The following CYB5B variants were observed in gnomAD, a reference collection of about 807,000 sequenced individuals.
CYB5B encodes the protein cytochrome b5 type B.
A neutral mutation model predicts 21.3 loss-of-function variants in CYB5B; 14 were observed. The ratio of observed to expected loss-of-function variants is 0.66; its 90% CI spans 0.43 to 1.03. The LOEUF is 1.03. CYB5B is among the 50% of genes least tolerant of loss of function. CYB5B has a pLI of 0.00. For synonymous variants in CYB5B, 69 were observed against 68.4 expected, an observed-to-expected ratio of 1.01 and a Z score of -0.04; for missense variants, 166 against 185.1, an observed-to-expected ratio of 0.90 and a Z score of 0.60.
At chr16:69,440,613 C>T (rs1597281996) in intron 1 of CYB5B, among the ~76,000 whole-genome samples, 2 of 152,090 alleles carry the variant, frequency 1.3e-5, no homozygotes, top group Non-Finnish European at 2.9e-5. Context: ...GGCAGTGGTT[C>T]GTTCTTTTTC....
chr16:69,448,927 A>C (rs148252407), intron 3 of CYB5B: 1 of 152,046 alleles, frequency 6.6e-6, no homozygotes. Context: ...CCCATTCCTC[A>C]TTGAGCCGAA....
At chr16:69,426,478 G>A (rs139408593) in intron 1 of CYB5B, among the ~76,000 whole-genome samples, 2,902 of 151,732 alleles carry the variant, frequency 0.019, 45 homozygotes, top group Middle Eastern at 0.031. Flanking sequence ...AGGCTGAGGC[G>A]GGCGGATCAC....
chr16:69,424,714 A>G lies in CYB5B; in HGVS notation c.31A>G (p.Ser11Gly), dbSNP rs1041720620. MSGSMATAEA[S>G]GSDGKGQEVE... The stretch of plus-strand genomic sequence containing the variant: ...CGGTTCAATGGCGACTGCGGAAGCT[A>G]GCGGCAGCGATGGGAAAGGGCAGGA... The change falls in exon 1 of 5, where the codon AGC becomes GGC. Residue 11 changes from serine to glycine, a missense_variant. By Grantham distance (56) the Ser-to-Gly change is moderately conservative. Transcript: ENST00000307892. The G allele has an allele frequency of 1.9e-6, 3 of 1,594,354 alleles. No homozygotes were observed. Among genetic ancestry groups the G allele is most frequent in the Admixed American group, 1.8e-5 (1 of 57,064 alleles).
intron 1 of CYB5B, among the ~76,000 whole-genome samples, chr16:69,426,613 G>T (rs2014649865): frequency 6.8e-6 from 1 of 148,122 alleles, no homozygotes; most frequent in Non-Finnish European, 1.5e-5. Flanking sequence ...GCTGAGGCAG[G>T]AGAATCACTT....
intron 1 of CYB5B, among the ~76,000 whole-genome samples, chr16:69,444,633 G>C (rs896715958): frequency 6.6e-6 from 1 of 151,400 alleles, no homozygotes; most frequent in East Asian, 1.9e-4. Flanking sequence ...GTAGAATTTT[G>C]TTTGATCACT....
chr16:69,452,726 G>C (rs1045061663), intron 3 of CYB5B, among the ~76,000 whole-genome samples: 1 of 151,196 alleles, frequency 6.6e-6, no homozygotes, highest in Middle Eastern at 3.4e-3. Context: ...AACATCTTTT[G>C]GGCTGGGGGC....
chr16:69,429,149 C>G (rs2014678598), intron 1 of CYB5B, among the ~76,000 whole-genome samples: 1 of 152,026 alleles, frequency 6.6e-6, no homozygotes, highest in Non-Finnish European at 1.5e-5. Context: ...GGTTTTTGGT[C>G]TCTCTGACTT....
chr16:69,443,531 G>A (rs1400570684), intron 1 of CYB5B: 1 of 155,226 alleles, frequency 6.4e-6, no homozygotes, highest in African/African-American at 2.4e-5. Context: ...AATGTGAGTA[G>A]TTTGATAACT....
At chr16:69,447,358 T>C in intron 2 of CYB5B, 80 bp downstream of exon 2, 25 of 1,538,608 alleles carry the variant, frequency 1.6e-5, no homozygotes, top group Non-Finnish European at 2.1e-5. Context: ...AAATGAATTA[T>C]TGGCTGGGCG....
At chr16:69,436,945 T>C (rs2014766220) in intron 1 of CYB5B, among the ~76,000 whole-genome samples, 1 of 152,240 alleles carries the variant, frequency 6.6e-6, no homozygotes, top group Non-Finnish European at 1.5e-5. Flanking sequence ...TTTGTCCTCT[T>C]CTTTGTTGAA....
chr16:69,452,882 G>T (rs147916460), intron 3 of CYB5B, among the ~76,000 whole-genome samples: 1 of 150,766 alleles, frequency 6.6e-6, no homozygotes, highest in Non-Finnish European at 1.5e-5. Context: ...ACCTGTCGTC[G>T]CAGCTACTCG....
At chr16:69,448,268 C>A in intron 3 of CYB5B, 124 bp downstream of exon 3, 2 of 1,183,758 alleles carry the variant, frequency 1.7e-6, no homozygotes, top group East Asian at 2.4e-5. Context: ...AGCAAAAATC[C>A]TATTTTTCTG....
intron 3 of CYB5B, 118 bp downstream of exon 3, chr16:69,448,262 A>G (rs2014897630): frequency 8.1e-7 from 1 of 1,231,384 alleles, no homozygotes; most frequent in Non-Finnish European, 1.2e-6. Context: ...TCCCCAAGCA[A>G]AAATCCTATT....
At chr16:69,457,808 A>G (rs1418048009) in intron 3 of CYB5B, among the ~76,000 whole-genome samples, 1 of 152,184 alleles carries the variant, frequency 6.6e-6, no homozygotes, top group Admixed American at 6.5e-5. Context: ...GGTTTGGGGC[A>G]TGTATTCATT....
chr16:69,441,746 A>C (rs2014825859), intron 1 of CYB5B, among the ~76,000 whole-genome samples: 1 of 152,168 alleles, frequency 6.6e-6, no homozygotes, highest in Non-Finnish European at 1.5e-5. Flanking sequence ...TACAGTATAG[A>C]AACTCATTTT....
At chr16:69,441,613 G>A (rs752966454) in intron 1 of CYB5B, among the ~76,000 whole-genome samples, 1 of 152,212 alleles carries the variant, frequency 6.6e-6, no homozygotes, top group Non-Finnish European at 1.5e-5. Context: ...ATTCCAGACA[G>A]AAAAATTCCT....
chr16:69,454,616 A>G (rs760370068), intron 3 of CYB5B, among the ~76,000 whole-genome samples: 1 of 152,168 alleles, frequency 6.6e-6, no homozygotes, highest in Admixed American at 6.5e-5. Flanking sequence ...CTTGTTTTTC[A>G]TAAGTTACTG....
intron 1 of CYB5B, among the ~76,000 whole-genome samples, chr16:69,429,290 C>T (rs1021213689): frequency 2.6e-5 from 4 of 152,124 alleles, no homozygotes; most frequent in Admixed American, 6.6e-5. Flanking sequence ...TGGAAAGGGA[C>T]CAGAGCAGGT....
chr16:69,455,080 G>A (rs1352988812), intron 3 of CYB5B, among the ~76,000 whole-genome samples: 1 of 152,126 alleles, frequency 6.6e-6, no homozygotes, highest in Non-Finnish European at 1.5e-5. Flanking sequence ...AGTTTTAGTA[G>A]AGATGGGGTT....
Sources: allele counts gnomAD v4.1 joint callset (sites outside exome capture counted in the v4.1 genomes callset), GRCh38; gene constraint gnomAD v4.1.1; transcripts MANE v1.5; gene names NCBI Gene and HGNC (gene_info 2026-07-23, HGNC 2026-07-21).